PIGS: variants seen among roughly 807,000 people sequenced by gnomAD.
PIGS encodes phosphatidylinositol glycan anchor biosynthesis class S.
PIGS carries 37 observed loss-of-function variants against 58.2 expected under a neutral mutation model. The observed-to-expected ratio is 0.64, with a 90% CI of 0.49 to 0.84. PIGS has a LOEUF of 0.84. PIGS is among the 40% of genes least tolerant of loss of function. The pLI is 0.00. For missense variants in PIGS, 629 were observed against 710.8 expected, an observed-to-expected ratio of 0.88 and a Z score of 1.31; for synonymous variants, 269 against 289.2, an observed-to-expected ratio of 0.93 and a Z score of 0.71.
chr17:28,557,671 G>A (rs2070339563), intron 8 of PIGS, among the ~76,000 whole-genome samples: 1 of 152,168 alleles, frequency 6.6e-6, no homozygotes, highest in Admixed American at 6.5e-5. Context: ...GCCTGCCTCT[G>A]GTATCTGAGA....
chr17:28,554,356 A>G lies in PIGS; in HGVS notation c.1532T>C (p.Leu511Pro). Reference protein sequence around the residue: ...AFFDPSLLHLLYFPDDQKFAI... With the variant: ...AFFDPSLLHLPYFPDDQKFAI... ...AAACTTCTGGTCATCAGGGAAATAA[A>G]GGAGGTGGAGGAGTGACGGGTCAAA... Residue 511 changes from leucine to proline, a missense_variant, in exon 12 of 12, where the codon CTT becomes CCT. By Grantham distance (98) the Leu-to-Pro change is moderately conservative. Coordinates refer to ENST00000308360, the MANE Select transcript of PIGS (RefSeq NM_033198.4). The G allele has an allele frequency of 6.2e-7, 1 of 1,614,192 alleles. No homozygotes were observed. The highest frequency in any genetic ancestry group is 8.5e-7 in the Non-Finnish European group (1 of 1,180,036).
intron 6 of PIGS, chr17:28,560,411 A>T: frequency 2.0e-6 from 1 of 507,350 alleles, no homozygotes; most frequent in East Asian, 3.8e-5. Context: ...TGGGAGACTG[A>T]GGCAGACGGA....
rs371988281 is a variant in PIGS at position 28,553,639 on chromosome 17, GACACACAC to G, written c.*573_*580del. 7,454 of 144,574 alleles carry G rather than the reference GACACACAC, an allele frequency of 0.052. 244 individuals are homozygous for G. Among genetic ancestry groups the G allele is most frequent in the Middle Eastern group, 0.11 (31 of 288 alleles). The allele number at this position is 144,574 out of a possible 1,614,324, so 9.0% of individuals were successfully genotyped here. A position where few individuals can be genotyped will look rare whatever the true frequency, so the allele number is the denominator to read the frequency against. ...AAATCTGGAACTTTCTGGAACCTCT[GACACACAC>G]ACACACACACACACACACACACACA... is the stretch of plus-strand genomic sequence containing the variant. On this transcript the variant is annotated 3_prime_UTR_variant, in exon 12 of 12. Transcript: ENST00000308360.
chr17:28,564,646 C>A (rs1219314618), intron 3 of PIGS, among the ~76,000 whole-genome samples: 1 of 147,594 alleles, frequency 6.8e-6, no homozygotes, highest in African/African-American at 2.5e-5. Context: ...ACCCAGAAGG[C>A]GGAGGCTGCA....
chr17:28,563,403 C>T (rs150290127), intron 5 of PIGS, 28 bp downstream of exon 5: 1 of 1,587,944 alleles, frequency 6.3e-7, no homozygotes, highest in East Asian at 2.2e-5. Context: ...AGGGATAAGG[C>T]AAAGTCGCAG....
Position 28,558,198 on chromosome 17 carries a change from C to T in PIGS, c.934+278G>A, listed in dbSNP as rs963761870. On this transcript the variant is annotated intron_variant, in intron 8 of 11. Coordinates refer to ENST00000308360, the MANE Select transcript of PIGS (RefSeq NM_033198.4). ...GCACATACCTATAGTTCTAGCTACT[C>T]GAGAGGCTGAGGTGGGAAGACCACT... Among the ~76,000 whole-genome samples, 20 of 152,194 alleles carry T rather than the reference C, an allele frequency of 1.3e-4. No homozygotes were observed. In the East Asian group the frequency reaches 3.5e-3, roughly 26 times the overall value.
Position 28,553,638 on chromosome 17 carries a change from T to TCACACA in PIGS, c.*581_*582insTGTGTG, listed in dbSNP as rs770493956. ...CAAATCTGGAACTTTCTGGAACCTC[T>TCACACA]GACACACACACACACACACACACAC... On this transcript the variant is annotated 3_prime_UTR_variant, in exon 12 of 12. Coordinates refer to ENST00000308360, the MANE Select transcript of PIGS (RefSeq NM_033198.4). 6.8e-5 allele frequency: 4 copies of TCACACA among 59,156 alleles called. No homozygotes were observed. The highest frequency in any genetic ancestry group is 1.2e-4 in the Non-Finnish European group (4 of 34,764). 3.7% of individuals were successfully genotyped at this position (59,156 alleles called of 1,614,324 possible).
In PIGS at chr17:28,554,134, C is replaced by G; in HGVS notation, c.*86G>C. 6.6e-7 allele frequency: 1 copy of G among 1,510,148 alleles called. No homozygotes were observed. The highest frequency in any genetic ancestry group is 1.9e-5 in the Admixed American group (1 of 51,654). 93.5% of individuals were successfully genotyped at this position (1,510,148 alleles called of 1,614,324 possible). ...ACTGGAGACAAATATTTAAGTCATT[C>G]CGGCAGGCCCCATGTACGTGCCTCA... On this transcript the variant is annotated 3_prime_UTR_variant, in exon 12 of 12. Transcript: ENST00000308360.
chr17:28,564,878 C>CA (rs1368219604), intron 3 of PIGS, among the ~76,000 whole-genome samples: 1 of 151,722 alleles, frequency 6.6e-6, no homozygotes, highest in African/African-American at 2.4e-5. Flanking sequence ...GACCTTGTCT[C>CA]AAAAAAATAA....
intron 5 of PIGS, among the ~76,000 whole-genome samples, chr17:28,562,362 T>C (rs186845702): frequency 5.9e-5 from 9 of 152,322 alleles, no homozygotes; most frequent in African/African-American, 2.2e-4. Context: ...CACTGCAGTT[T>C]GTGAGCTGGG....
Position 28,553,847 on chromosome 17 carries a change from G to A in PIGS, c.*373C>T, listed in dbSNP as rs114418224. The A allele has an allele frequency of 2.4e-3, 628 of 263,704 alleles. 5 individuals are homozygous for A. Among genetic ancestry groups the A allele is most frequent in the African/African-American group, 0.013 (596 of 44,718 alleles). The allele number at this position is 263,704 out of a possible 1,614,324, so 16.3% of individuals were successfully genotyped here. ...CCCACAGGGACTAGAGAGAGGTGTG[G>A]AAGGCAGGGACTTTCCCATAATGCT... On this transcript the variant is annotated 3_prime_UTR_variant, in exon 12 of 12. Coordinates refer to ENST00000308360, the MANE Select transcript of PIGS (RefSeq NM_033198.4).
chr17:28,556,091 GACTT>G (rs2070325420), intron 10 of PIGS, 71 bp downstream of exon 10: 2 of 1,381,846 alleles, frequency 1.4e-6, no homozygotes, highest in Admixed American at 3.4e-5. Context: ...TGCCAGGTAA[GACTT>G]GATTCCACTT....
intron 11 of PIGS, 78 bp from the exon 12 acceptor site, chr17:28,554,573 C>T (rs2070313962): frequency 1.3e-6 from 2 of 1,490,146 alleles, no homozygotes; most frequent in African/African-American, 2.8e-5. Context: ...CTTACTGTGC[C>T]TTCCATCTAC....
chr17:28,565,732 T>A (rs752595102), intron 3 of PIGS, among the ~76,000 whole-genome samples: 1 of 152,040 alleles, frequency 6.6e-6, no homozygotes, highest in Non-Finnish European at 1.5e-5. Flanking sequence ...CTACAAAAAA[T>A]TTAAAAACTA....
At chr17:28,557,082 A>G (rs1316648887) in intron 8 of PIGS, 110 bp from the exon 9 acceptor site, 7 of 1,171,544 alleles carry the variant, frequency 6.0e-6, no homozygotes, top group African/African-American at 4.6e-5. Context: ...TCCCCAACTA[A>G]CAATCATTAG....
chr17:28,567,770 C>A (rs1349582061), intron 3 of PIGS, among the ~76,000 whole-genome samples: 1 of 152,176 alleles, frequency 6.6e-6, no homozygotes, highest in Non-Finnish European at 1.5e-5. Flanking sequence ...TTCTACTGTT[C>A]TGGTTTTATT....
intron 10 of PIGS, chr17:28,555,528 G>A (rs1303289167): frequency 2.2e-5 from 4 of 178,468 alleles, no homozygotes; most frequent in Admixed American, 1.1e-4. Flanking sequence ...CTTTCCTAAT[G>A]AGCCCAGATA....
At chr17:28,557,231 G>C in intron 8 of PIGS, 1 of 453,810 alleles carries the variant, frequency 2.2e-6, no homozygotes, top group Non-Finnish European at 3.9e-6. Flanking sequence ...GACTGTCTAC[G>C]ACAGCTTTCT....
At chr17:28,557,681 A>T (rs1597583693) in intron 8 of PIGS, among the ~76,000 whole-genome samples, 1 of 152,218 alleles carries the variant, frequency 6.6e-6, no homozygotes, top group African/African-American at 2.4e-5. Flanking sequence ...GGTATCTGAG[A>T]TTCCACAATT....
Sources: allele counts gnomAD v4.1 joint callset (sites outside exome capture counted in the v4.1 genomes callset), GRCh38; gene constraint gnomAD v4.1.1; transcripts MANE v1.5; gene names NCBI Gene and HGNC (gene_info 2026-07-23, HGNC 2026-07-21).